The following EXD3 variants were observed in gnomAD, a reference collection of about 807,000 sequenced individuals.
The protein encoded by EXD3 is exonuclease mut-7 homolog.
In EXD3, 92 loss-of-function variants were observed where a neutral mutation model predicts 98.0. The ratio of observed to expected loss-of-function variants is 0.94; its 90% confidence interval spans 0.79 to 1.12. The LOEUF (loss-of-function observed/expected upper bound fraction) is 1.12, where lower values mean the gene tolerates loss of function less well. Among genes scored for constraint, EXD3 ranks in the 50% most tolerant of loss-of-function variants. The pLI is 0.00. For synonymous variants in EXD3, 569 were observed against 526.0 expected (o/e 1.08, Z -1.12); for missense variants, 1,222 against 1,191.6 (o/e 1.03, Z -0.38).
chr9:137,336,805 G>T (rs1469691499), intron 17 of EXD3, among the ~76,000 whole-genome samples: 2 of 148,120 alleles, frequency 1.4e-5, no homozygotes, highest in East Asian at 3.9e-4. Flanking sequence ...ATAGAATGAA[G>T]GTAAAAAAGC....
intron 1 of EXD3, among the ~76,000 whole-genome samples, chr9:137,408,349 C>G (rs1036765182): frequency 6.6e-6 from 1 of 151,850 alleles, no homozygotes; most frequent in Non-Finnish European, 1.5e-5. Context: ...GAGATCGAGA[C>G]CATCCTGGTT....
At chr9:137,418,625 A>C (rs1169988680) in intron 1 of EXD3, among the ~76,000 whole-genome samples, 1 of 152,250 alleles carries the variant, frequency 6.6e-6, no homozygotes, top group African/African-American at 2.4e-5. Context: ...ACTGTAATTA[A>C]TATATGTAAC....
intron 2 of EXD3, 103 bp from the exon 3 acceptor site, chr9:137,383,480 C>G (rs1836425520): frequency 3.5e-6 from 3 of 847,898 alleles, no homozygotes; most frequent in East Asian, 3.0e-5. Context: ...GCCTGGGGCT[C>G]CTCTGGACCC....
At chr9:137,345,577 G>A (rs28535347) in intron 17 of EXD3, among the ~76,000 whole-genome samples, 24 of 151,388 alleles carry the variant, frequency 1.6e-4, no homozygotes, top group African/African-American at 4.9e-4. Flanking sequence ...CAGGAGAATC[G>A]CTTGAACCCG....
intron 10 of EXD3, chr9:137,353,357 G>A (rs1316378889): frequency 2.0e-6 from 2 of 985,288 alleles, no homozygotes; most frequent in Non-Finnish European, 2.4e-6. Flanking sequence ...AGGAGCCCGG[G>A]CATGTTTTCT....
Position 137,324,341 on chromosome 9 carries a change from A to G in EXD3, c.1999-198T>C, listed in dbSNP as rs111391048. 1.4e-4 allele frequency among the ~76,000 whole-genome samples: 22 copies of G among 152,156 alleles called. No individual in the cohort carries two copies. The highest frequency in any genetic ancestry group is 3.4e-3 in the Middle Eastern group (1 of 294). ...TCCTGGGTGTCGCCTCATTGTATAG[A>G]TTTAATCTTGGCACCACGCAAACAT... On this transcript the variant is annotated intron_variant, in intron 17 of 21. Transcript: ENST00000340951. This position sits in a 1 kb window ranked among gnomAD's most constrained non-coding sequence, Gnocchi z 4.1.
At position 137,307,278 on chromosome 9, in the gene EXD3, G is replaced by T. The variant is rs375084920; in HGVS notation, c.2318-15C>A. 36 of 1,485,038 alleles carry T rather than the reference G, an allele frequency of 2.4e-5. No homozygotes were observed. Among genetic ancestry groups the T allele is most frequent in the Non-Finnish European group, 3.1e-5 (35 of 1,121,306 alleles). The allele number at this position is 1,485,038 out of a possible 1,614,324, so 92.0% of individuals were successfully genotyped here. A position where few individuals can be genotyped will look rare whatever the true frequency, so the allele number is the denominator to read the frequency against. On this transcript the variant is annotated splice_polypyrimidine_tract_variant and intron_variant, in intron 21 of 21. Transcript: ENST00000340951. ...TGGGGCTGGGCCTGGACAGATAGAA[G>T]TGGACTCCCTGAGCCCTCAGCCTTC... is the stretch of plus-strand genomic sequence containing the variant.
chr9:137,354,800 G>T (rs771229909), intron 8 of EXD3, 27 bp from the exon 9 acceptor site: 1 of 1,598,246 alleles, frequency 6.3e-7, no homozygotes, highest in South Asian at 1.1e-5. Context: ...GCTCAGCACT[G>T]AGGGCTCAGG....
chr9:137,408,259 G>C (rs1278673390), intron 1 of EXD3, among the ~76,000 whole-genome samples: 1 of 152,082 alleles, frequency 6.6e-6, no homozygotes, highest in Non-Finnish European at 1.5e-5. Context: ...AGGGCTTTGG[G>C]GTGGGGGGGC....
At position 137,372,890 on chromosome 9, in the gene EXD3, A is replaced by T. The variant is rs1835704235; in HGVS notation, c.462+15T>A. ...AAGCCGTTTCCCCATGAGCCCGGCCACGTGGGCCACTCACTTCTCTGAACC... is the reference window on the plus strand; with the variant it reads ...AAGCCGTTTCCCCATGAGCCCGGCCTCGTGGGCCACTCACTTCTCTGAACC... On this transcript the variant is annotated intron_variant, in intron 5 of 21. Coordinates refer to ENST00000340951, the MANE Select transcript of EXD3 (RefSeq NM_017820.5). 5 of 1,596,962 alleles carry T rather than the reference A, an allele frequency of 3.1e-6. No individual in the cohort carries two copies. In the East Asian group the frequency reaches 1.1e-4, roughly 36 times the overall value.
chr9:137,409,905 G>T (rs999984553), intron 1 of EXD3, among the ~76,000 whole-genome samples: 2 of 152,192 alleles, frequency 1.3e-5, no homozygotes, highest in Non-Finnish European at 2.9e-5. Flanking sequence ...GGCTGGGCGC[G>T]GTGGCTCACG....
intron 17 of EXD3, among the ~76,000 whole-genome samples, chr9:137,343,823 C>T (rs1460200905): frequency 2.1e-5 from 3 of 144,344 alleles, no homozygotes; most frequent in Non-Finnish European, 3.0e-5. Flanking sequence ...CTCCTAACCT[C>T]GTGATCCGCC....
intron 1 of EXD3, among the ~76,000 whole-genome samples, chr9:137,412,628 A>C (rs1838054087): frequency 6.6e-6 from 1 of 152,152 alleles, no homozygotes; most frequent in Admixed American, 6.5e-5. Flanking sequence ...ACGAGGGCAC[A>C]GCAGGATGAG....
chr9:137,368,812 G>C (rs1000050037), intron 5 of EXD3, among the ~76,000 whole-genome samples: 1 of 151,784 alleles, frequency 6.6e-6, no homozygotes, highest in African/African-American at 2.4e-5. Context: ...GGGTCCAAGA[G>C]GCTAGGCCTC....
intron 19 of EXD3, 112 bp from the exon 20 acceptor site, chr9:137,309,812 G>C (rs1588212948): frequency 2.6e-6 from 2 of 761,828 alleles, no homozygotes; most frequent in Admixed American, 4.2e-5. Context: ...GTTTCACAGA[G>C]ACAGATAATG....
At chr9:137,375,690 TTTCGTGAGTTCTAGCC>T (rs1211653344) in intron 3 of EXD3, among the ~76,000 whole-genome samples, 8 of 152,120 alleles carry the variant, frequency 5.3e-5, no homozygotes, top group Non-Finnish European at 8.8e-5. Flanking sequence ...GAGTTCTAGC[TTTCGTGAGTTCTAGCC>T]CTAGTGAGTT....
chr9:137,386,206 A>C (rs1302560181), intron 2 of EXD3, among the ~76,000 whole-genome samples: 1 of 152,048 alleles, frequency 6.6e-6, no homozygotes, highest in Non-Finnish European at 1.5e-5. Context: ...GGGTGGGAGC[A>C]TGGCTGGAGC....
chr9:137,398,710 TGCACCCGCATCCCCAAGACACACAG>T (rs71387835), intron 1 of EXD3, among the ~76,000 whole-genome samples: 3,295 of 62,286 alleles, frequency 0.053, 75 homozygotes, highest in Non-Finnish European at 0.065. Flanking sequence ...GTGACACACG[TGCACCCGCATCCCCAAGACACACAG>T]GCACCCGCGT....
chr9:137,398,844 ATCCCCAAGACACACAGGCACCCGCG>A (rs1837348343), intron 1 of EXD3, among the ~76,000 whole-genome samples: 4 of 53,534 alleles, frequency 7.5e-5, no homozygotes, highest in Non-Finnish European at 1.4e-4. Context: ...GTGCACCCGC[ATCCCCAAGACACACAGGCACCCGCG>A]TCCCCGTGAC....
Sources: allele counts gnomAD v4.1 joint callset (sites outside exome capture counted in the v4.1 genomes callset), GRCh38; gene constraint gnomAD v4.1.1; non-coding constraint Gnocchi (gnomAD v3.1); transcripts MANE v1.5; gene names NCBI Gene and HGNC (gene_info 2026-07-23, HGNC 2026-07-21).